The following NETO1 variants were observed in gnomAD, a reference collection of about 807,000 sequenced individuals.
The protein encoded by NETO1 is neuropilin and tolloid like 1.
Under a neutral mutation model 61.3 loss-of-function variants are expected in NETO1, and 26 were observed. The ratio of observed to expected loss-of-function variants is 0.42; its 90% CI spans 0.31 to 0.59. The LOEUF (loss-of-function observed/expected upper bound fraction) is 0.59, where lower values mean the gene tolerates loss of function less well. NETO1 is among the 20% of genes least tolerant of loss of function. NETO1 has a pLI of 0.12. For missense variants in NETO1, 531 were observed against 662.8 expected (o/e 0.80, Z 2.18); for synonymous variants, 225 against 225.8 (o/e 1.00, Z 0.03).
At chr18:72,827,559 A>G (rs2073421972) in intron 4 of NETO1, among the ~76,000 whole-genome samples, 1 of 152,134 alleles carries the variant, frequency 6.6e-6, no homozygotes, top group Non-Finnish European at 1.5e-5. Flanking sequence ...TACTAAAAAT[A>G]CAAAAAATGA....
At chr18:72,855,282 T>C (rs564663876) in intron 4 of NETO1, among the ~76,000 whole-genome samples, 1 of 152,204 alleles carries the variant, frequency 6.6e-6, no homozygotes, top group Non-Finnish European at 1.5e-5. Flanking sequence ...CTGGCCCTTC[T>C]ACAAGCCTCA....
chr18:72,786,348 A>T (rs1177689722), intron 6 of NETO1, among the ~76,000 whole-genome samples: 1 of 152,224 alleles, frequency 6.6e-6, no homozygotes, highest in Non-Finnish European at 1.5e-5. Flanking sequence ...CTAAATGAGG[A>T]AATCCAGACA....
chr18:72,861,014 C>A (rs2074555668), intron 3 of NETO1, among the ~76,000 whole-genome samples: 1 of 152,152 alleles, frequency 6.6e-6, no homozygotes, highest in South Asian at 2.1e-4. Context: ...AAAGATAGAG[C>A]AATGAAGACA....
chr18:72,752,428 T>C (rs1029549304), intron 8 of NETO1, among the ~76,000 whole-genome samples: 7 of 152,168 alleles, frequency 4.6e-5, no homozygotes, highest in South Asian at 2.1e-4. Flanking sequence ...CCAAGGCTGA[T>C]GGTGCGAAGT....
At chr18:72,864,114 G>A (rs966972886) in intron 3 of NETO1, among the ~76,000 whole-genome samples, 13 of 152,062 alleles carry the variant, frequency 8.5e-5, no homozygotes, top group African/African-American at 2.9e-4. Flanking sequence ...AGCTACTCGG[G>A]AGGCTGAGGC....
intron 4 of NETO1, chr18:72,834,633 T>C: frequency 1.0e-6 from 1 of 983,836 alleles, no homozygotes; most frequent in Non-Finnish European, 1.2e-6. Context: ...ATGTTTATAA[T>C]TACTTAATTC....
chr18:72,765,315 A>C (rs1360582531), intron 7 of NETO1, among the ~76,000 whole-genome samples: 2 of 152,160 alleles, frequency 1.3e-5, no homozygotes, highest in Non-Finnish European at 2.9e-5. Flanking sequence ...GAGTTAACTT[A>C]TCTGTGCCTT....
intron 8 of NETO1, among the ~76,000 whole-genome samples, chr18:72,754,501 A>G (rs1243052723): frequency 6.6e-6 from 1 of 152,172 alleles, no homozygotes; most frequent in Non-Finnish European, 1.5e-5. Flanking sequence ...AAGAATGGAA[A>G]CCAAACCATA....
At chr18:72,858,683 A>G in intron 4 of NETO1, 143 bp downstream of exon 4, 1 of 841,156 alleles carries the variant, frequency 1.2e-6, no homozygotes, top group Non-Finnish European at 1.8e-6. Flanking sequence ...GTGTAGGGAA[A>G]AGAAAAAGCA....
At chr18:72,796,534 C>T (rs943852107) in intron 4 of NETO1, among the ~76,000 whole-genome samples, 7 of 152,142 alleles carry the variant, frequency 4.6e-5, no homozygotes, top group Middle Eastern at 3.4e-3. Flanking sequence ...CAGGCTGGAG[C>T]GCAGTGATCT....
chr18:72,784,936 T>G (rs75311178), intron 6 of NETO1, among the ~76,000 whole-genome samples: 1 of 152,300 alleles, frequency 6.6e-6, no homozygotes, highest in East Asian at 1.9e-4. Context: ...TGTATGTCAA[T>G]TAAACCATGA....
intron 7 of NETO1, among the ~76,000 whole-genome samples, chr18:72,771,985 G>C (rs2071366528): frequency 6.6e-6 from 1 of 152,106 alleles, no homozygotes; most frequent in South Asian, 2.1e-4. Flanking sequence ...TCAAGAGTCT[G>C]TCTGGATTGG....
At chr18:72,794,730 G>C (rs141104289) in intron 4 of NETO1, among the ~76,000 whole-genome samples, 167 of 151,982 alleles carry the variant, frequency 1.1e-3, no homozygotes, top group African/African-American at 3.8e-3. Context: ...AATTAAATTA[G>C]TCATATTATC....
At position 72,813,501 on chromosome 18, in the gene NETO1, C is replaced by T. The variant is rs9807479; in HGVS notation, c.470-19097G>A. On this transcript the variant is annotated intron_variant, in intron 4 of 10. Transcript: ENST00000327305. ...TCTTGAAAGATTCCAAATAGTAGAACTACCATGCACAGACCATAAAAGAAC... is the reference window on the plus strand; with the variant it reads ...TCTTGAAAGATTCCAAATAGTAGAATTACCATGCACAGACCATAAAAGAAC... Among the ~76,000 whole-genome samples, 992 of 152,240 alleles carry T rather than the reference C, an allele frequency of 6.5e-3. 10 individuals are homozygous for T. The highest frequency in any genetic ancestry group is 0.022 in the African/African-American group (926 of 41,530).
chr18:72,765,194 C>A (rs574248321), intron 7 of NETO1, among the ~76,000 whole-genome samples: 1 of 152,264 alleles, frequency 6.6e-6, no homozygotes, highest in South Asian at 2.1e-4. Flanking sequence ...TTCTTCCTAA[C>A]CTCAGATGTC....
chr18:72,844,531 C>T lies in NETO1; in HGVS notation c.469+14295G>A, dbSNP rs79607076. Among the ~76,000 whole-genome samples, 813 of 152,308 alleles carry T rather than the reference C, an allele frequency of 5.3e-3. 8 individuals are homozygous for T. The highest frequency in any genetic ancestry group is 0.019 in the African/African-American group (785 of 41,554). On this transcript the variant is annotated intron_variant, in intron 4 of 10. Coordinates refer to ENST00000327305, the MANE Select transcript of NETO1 (RefSeq NM_138966.5). ...GAATCAGACTTCAGTCTTACCTAACCTCCTCTCCTTTCAAAGTTACACACC... is the reference window on the plus strand; with the variant it reads ...GAATCAGACTTCAGTCTTACCTAACTTCCTCTCCTTTCAAAGTTACACACC...
At chr18:72,819,897 T>C (rs2073139729) in intron 4 of NETO1, among the ~76,000 whole-genome samples, 1 of 152,136 alleles carries the variant, frequency 6.6e-6, no homozygotes, top group South Asian at 2.1e-4. Context: ...ATTCAGACAT[T>C]ATATTAAGAC....
chr18:72,779,740 TA>T (rs2071674931), intron 7 of NETO1, among the ~76,000 whole-genome samples: 1 of 152,192 alleles, frequency 6.6e-6, no homozygotes, highest in Non-Finnish European at 1.5e-5. Flanking sequence ...CAATAAAAAG[TA>T]AAACATTATG....
Position 72,746,970 on chromosome 18 carries a change from A to G in NETO1, c.*1209T>C, listed in dbSNP as rs1599072207. Among the ~76,000 whole-genome samples the G allele has an allele frequency of 6.6e-6, 1 of 152,168 alleles. No homozygotes were observed. Among genetic ancestry groups the G allele is most frequent in the Admixed American group, 6.6e-5 (1 of 15,266 alleles). On this transcript the variant is annotated 3_prime_UTR_variant, in exon 11 of 11. Coordinates refer to ENST00000327305, the MANE Select transcript of NETO1 (RefSeq NM_138966.5). ...AGGTGTATTATGTGTACCTGAGAAT[A>G]AGAATAATTCATAATGGTGGTTTAA...
Sources: allele counts gnomAD v4.1 joint callset (sites outside exome capture counted in the v4.1 genomes callset), GRCh38; gene constraint gnomAD v4.1.1; transcripts MANE v1.5; gene names NCBI Gene and HGNC (gene_info 2026-07-23, HGNC 2026-07-21).